SYCP2L: variants seen among roughly 807,000 people sequenced by gnomAD.
The protein encoded by SYCP2L is synaptonemal complex protein 2 like.
Under a neutral mutation model 125.8 loss-of-function variants are expected in SYCP2L, and 98 were observed. The ratio of observed to expected loss-of-function variants is 0.78; its 90% CI spans 0.66 to 0.92. SYCP2L has a LOEUF of 0.92. Ranked by LOEUF, SYCP2L falls within the 40% of genes least tolerant of loss-of-function variation. The pLI is 0.00. For synonymous variants in SYCP2L, 317 were observed against 325.4 expected, an observed-to-expected ratio of 0.97 and a Z score of 0.28; for missense variants, 842 against 936.4, an observed-to-expected ratio of 0.90 and a Z score of 1.32.
rs1780287923 is a variant in SYCP2L, at chr6:10,897,995, G to A, written c.337-16G>A. Reference sequence around the variant, plus strand: ...CATTTAGTCTTATGTAGTTACGTTAGTGTCCTCCTGTGTACCTAGTTTCCT... The same window carrying A: ...CATTTAGTCTTATGTAGTTACGTTAATGTCCTCCTGTGTACCTAGTTTCCT... On this transcript the variant is annotated splice_polypyrimidine_tract_variant and intron_variant, in intron 4 of 29. Transcript: ENST00000283141. 1 of 1,573,550 alleles carries A rather than the reference G, an allele frequency of 6.4e-7. No homozygotes were observed. The highest frequency in any genetic ancestry group is 1.7e-5 in the Admixed American group (1 of 59,882).
rs760048638 is a variant in SYCP2L, at chr6:10,893,991, G to C, written c.203G>C (p.Arg68Thr). The change falls in exon 3 of 30, where the codon AGA becomes ACA. Residue 68 changes from arginine (R) to threonine (T), a missense_variant. By Grantham distance (71) the Arg-to-Thr change is moderately conservative. Transcript: ENST00000283141. Reference protein sequence around the residue: ...YNRLLLYRLDRSINKELDKNE... With the variant: ...YNRLLLYRLDTSINKELDKNE... Reference sequence around the variant, plus strand: ...CGTCTTCTATTATACCGTCTTGACAGATCAATAAATAAGGCAAGTTGGTTT... The same window carrying C: ...CGTCTTCTATTATACCGTCTTGACACATCAATAAATAAGGCAAGTTGGTTT... The C allele has an allele frequency of 1.2e-6, 2 of 1,605,044 alleles. No individual in the cohort carries two copies. Among genetic ancestry groups the C allele is most frequent in the Non-Finnish European group, 1.7e-6 (2 of 1,177,884 alleles).
chr6:10,969,238 T>C (rs1781728284), intron 29 of SYCP2L, among the ~76,000 whole-genome samples: 1 of 152,196 alleles, frequency 6.6e-6, no homozygotes, highest in Non-Finnish European at 1.5e-5. Flanking sequence ...GCAAAACATG[T>C]ATTTAGTTTA....
chr6:10,942,727 G>T lies in SYCP2L; in HGVS notation c.1935G>T (p.Leu645=). 6.2e-7 allele frequency: 1 copy of T among 1,610,612 alleles called. No homozygotes were observed. The highest frequency in any genetic ancestry group is 1.1e-5 in the South Asian group (1 of 90,566). ...AAAGTACTAGCTTGAAACATAAGCTGAGAAACTTGGAAGACAAAGGTAAGA... is the reference window on the plus strand; with the variant it reads ...AAAGTACTAGCTTGAAACATAAGCTTAGAAACTTGGAAGACAAAGGTAAGA... The part of the protein sequence containing the change: ...LTESTSLKHK[L]RNLEDKDIPE... The change falls in exon 23 of 30, where the codon CTG becomes CTT. Residue 645 remains leucine (L), a synonymous_variant. Coordinates refer to ENST00000283141, the MANE Select transcript of SYCP2L (RefSeq NM_001040274.3).
intron 21 of SYCP2L, among the ~76,000 whole-genome samples, chr6:10,936,267 C>T (rs1032380035): frequency 7.9e-5 from 12 of 152,054 alleles, no homozygotes; most frequent in African/African-American, 2.4e-4. Flanking sequence ...GAGGCTGAGG[C>T]GGGCAGATCA....
intron 29 of SYCP2L, among the ~76,000 whole-genome samples, chr6:10,966,843 G>A (rs530304011): frequency 5.9e-4 from 90 of 152,174 alleles, no homozygotes; most frequent in Non-Finnish European, 9.9e-4. Context: ...GATAGGGAAG[G>A]CACAATGAAA....
chr6:10,914,926 A>C (rs774285508), intron 14 of SYCP2L, among the ~76,000 whole-genome samples: 5 of 151,846 alleles, frequency 3.3e-5, no homozygotes, highest in Non-Finnish European at 7.4e-5. Flanking sequence ...TTGTATTTTT[A>C]GTAGAGACTG....
intron 4 of SYCP2L, among the ~76,000 whole-genome samples, 189 bp from the exon 5 acceptor site, chr6:10,897,822 T>TTA (rs1424828163): frequency 3.3e-5 from 5 of 152,124 alleles, no homozygotes; most frequent in African/African-American, 1.2e-4. Flanking sequence ...TTATGACAGC[T>TTA]CTGTAGTAGT....
intron 23 of SYCP2L, among the ~76,000 whole-genome samples, chr6:10,944,115 A>T (rs1026976139): frequency 6.6e-6 from 1 of 152,224 alleles, no homozygotes; most frequent in African/African-American, 2.4e-5. Context: ...ACAATTTTAC[A>T]TATGCCAAAC....
intron 19 of SYCP2L, 94 bp from the exon 20 acceptor site, chr6:10,931,346 G>A (rs1780992344): frequency 2.5e-6 from 3 of 1,213,268 alleles, no homozygotes; most frequent in Non-Finnish European, 3.7e-6. Context: ...AGTGGGAATT[G>A]CTTTTAGTGT....
intron 29 of SYCP2L, among the ~76,000 whole-genome samples, chr6:10,971,600 G>C (rs1781775618): frequency 6.6e-6 from 1 of 152,148 alleles, no homozygotes. Flanking sequence ...CCTCTTGATA[G>C]TTGGGAGTAT....
At chr6:10,921,212 C>T (rs547986682) in intron 14 of SYCP2L, among the ~76,000 whole-genome samples, 1 of 152,264 alleles carries the variant, frequency 6.6e-6, no homozygotes, top group East Asian at 1.9e-4. Context: ...GACATGATCT[C>T]ATTTTTTTTA....
At chr6:10,914,750 T>G (rs955568151) in intron 14 of SYCP2L, among the ~76,000 whole-genome samples, 4 of 149,624 alleles carry the variant, frequency 2.7e-5, no homozygotes, top group East Asian at 2.0e-4. Context: ...TTTTTTTTTT[T>G]TTTTTTTTTG....
chr6:10,903,042 C>T, intron 8 of SYCP2L, 79 bp downstream of exon 8: 1 of 1,158,464 alleles, frequency 8.6e-7, no homozygotes, highest in Middle Eastern at 2.0e-4. Context: ...CTGTGTTCTA[C>T]TTAGACCTGA....
Position 10,958,459 on chromosome 6 carries a change from C to G in SYCP2L, c.2164-325C>G, listed in dbSNP as rs78705859. ...TGGCACCAAGCCATGAGGAATCCGC[C>G]CCCGTGACCCGAACGCCTCCCACCA... On this transcript the variant is annotated intron_variant, in intron 25 of 29. Transcript: ENST00000283141. Among the ~76,000 whole-genome samples, 3,468 of 152,186 alleles carry G rather than the reference C, an allele frequency of 0.023. 177 individuals are homozygous for G. The East Asian group carries it at 0.23, about 10-fold the overall frequency.
intron 6 of SYCP2L, among the ~76,000 whole-genome samples, chr6:10,900,652 C>A (rs555926221): frequency 6.6e-6 from 1 of 152,178 alleles, no homozygotes; most frequent in African/African-American, 2.4e-5. Context: ...CGCGCCTAGA[C>A]GGAGCCAGAG....
At chr6:10,949,721 CTTTTT>C (rs33952119) in intron 23 of SYCP2L, among the ~76,000 whole-genome samples, 10 of 121,518 alleles carry the variant, frequency 8.2e-5, no homozygotes, top group African/African-American at 3.0e-4. Context: ...CCTGATACAT[CTTTTT>C]TTTTTTTTTT....
rs189564535 is a variant in SYCP2L, at chr6:10,930,312, A to T, written c.1489-58A>T. 27 of 1,545,560 alleles carry T rather than the reference A, an allele frequency of 1.7e-5. No individual in the cohort carries two copies. The African/African-American group carries it at 3.3e-4, about 19-fold the overall frequency. On this transcript the variant is annotated intron_variant, in intron 18 of 29. Transcript: ENST00000283141. ...CTAGCTTTGTAGAATATGTTTAGTT[A>T]TACATAAGAGGCACTAACACCCCTC...
chr6:10,939,696 T>A (rs80230584), intron 21 of SYCP2L, among the ~76,000 whole-genome samples: 2,818 of 152,306 alleles, frequency 0.019, 87 homozygotes, highest in African/African-American at 0.065. Context: ...ATTGGGCCTT[T>A]GTTTTATACC....
intron 23 of SYCP2L, among the ~76,000 whole-genome samples, chr6:10,945,552 C>T (rs1187725732): frequency 1.3e-5 from 2 of 151,952 alleles, no homozygotes; most frequent in Non-Finnish European, 2.9e-5. Context: ...GGTGGATCAC[C>T]TGCGGTCAGG....
Sources: allele counts gnomAD v4.1 joint callset (sites outside exome capture counted in the v4.1 genomes callset), GRCh38; gene constraint gnomAD v4.1.1; transcripts MANE v1.5; gene names NCBI Gene and HGNC (gene_info 2026-07-23, HGNC 2026-07-21).